RSPO2: variants seen among roughly 807,000 people sequenced by gnomAD.
The protein encoded by RSPO2 is R-spondin-2.
In RSPO2, 14 loss-of-function variants were observed where a neutral mutation model predicts 30.9. The observed-to-expected ratio is 0.45, with a 90% CI of 0.30 to 0.71. RSPO2 has a LOEUF of 0.71. Among genes scored for constraint, RSPO2 ranks in the 30% least tolerant of loss-of-function variants. The pLI, the probability that RSPO2 is intolerant of heterozygous loss-of-function variation, is 0.08. For missense variants in RSPO2, 264 were observed against 301.9 expected (o/e 0.87, Z 0.93); for synonymous variants, 107 against 96.4 (o/e 1.11, Z -0.64).
At chr8:107,904,599 G>C (rs1811580298) in intron 5 of RSPO2, among the ~76,000 whole-genome samples, 1 of 152,032 alleles carries the variant, frequency 6.6e-6, no homozygotes, top group African/African-American at 2.4e-5. Context: ...CGTTTTTAAG[G>C]AAGGCAATGC....
In RSPO2 at chr8:107,930,510, T is replaced by C. The variant is rs7821514; in HGVS notation, c.616+27570A>G. Among the ~76,000 whole-genome samples the C allele has an allele frequency of 7.7e-3, 1,172 of 152,332 alleles. 13 individuals carry two copies. The highest frequency in any genetic ancestry group is 0.026 in the African/African-American group (1,093 of 41,562). ...ACTGCTGAATAACTGATGAATGTTG[T>C]AGGTTTACTCATTCATCTAACCTTT... On this transcript the variant is annotated intron_variant, in intron 5 of 5. Transcript: ENST00000276659.
chr8:108,069,237 A>T (rs906451528), intron 2 of RSPO2, among the ~76,000 whole-genome samples: 2 of 151,826 alleles, frequency 1.3e-5, no homozygotes, highest in African/African-American at 2.4e-5. Context: ...ACACACTCAC[A>T]GAGTCTCGCT....
chr8:107,982,538 GAC>G (rs1361120465), intron 3 of RSPO2, among the ~76,000 whole-genome samples: 4 of 152,030 alleles, frequency 2.6e-5, no homozygotes, highest in African/African-American at 9.7e-5. Flanking sequence ...GTCACTCACA[GAC>G]ACACACACCC....
At chr8:108,010,318 A>G (rs1171225098) in intron 2 of RSPO2, among the ~76,000 whole-genome samples, 1 of 152,160 alleles carries the variant, frequency 6.6e-6, no homozygotes, top group Non-Finnish European at 1.5e-5. Flanking sequence ...ACAAAAGATA[A>G]TGCATATCTT....
At chr8:108,081,971 C>A (rs116903737) in intron 2 of RSPO2, 19,246 of 980,704 alleles carry the variant, frequency 0.02, 223 homozygotes, top group Non-Finnish European at 0.022. Flanking sequence ...CTATGTTGGC[C>A]TTTTTCTGGA....
At chr8:107,905,430 G>A (rs1182525902) in intron 5 of RSPO2, among the ~76,000 whole-genome samples, 2 of 152,168 alleles carry the variant, frequency 1.3e-5, no homozygotes, top group African/African-American at 4.8e-5. Context: ...GCTGTGGAAA[G>A]TAAGCCACAA....
chr8:108,082,985 G>C (rs1406482248), intron 1 of RSPO2, 178 bp from the exon 2 acceptor site: 4 of 269,542 alleles, frequency 1.5e-5, no homozygotes, highest in East Asian at 7.3e-5. Context: ...GAGTTGGAGA[G>C]GAAGGTGATT....
At position 108,039,814 on chromosome 8, in the gene RSPO2, G is replaced by A. The variant is rs78003681; in HGVS notation, c.94+42731C>T. 4.8e-3 allele frequency among the ~76,000 whole-genome samples: 727 copies of A among 152,196 alleles called. 9 individuals carry two copies. The highest frequency in any genetic ancestry group is 0.017 in the African/African-American group (699 of 41,532). On this transcript the variant is annotated intron_variant, in intron 2 of 5. Transcript: ENST00000276659. Reference sequence around the variant, plus strand: ...ATTCTTAAGACCTAACCCCGAATGTGATGGTATCTGAAGGTAGGTAAATCA... The same window carrying A: ...ATTCTTAAGACCTAACCCCGAATGTAATGGTATCTGAAGGTAGGTAAATCA...
intron 2 of RSPO2, among the ~76,000 whole-genome samples, chr8:108,011,200 G>GA (rs1475716694): frequency 6.7e-6 from 1 of 148,496 alleles, no homozygotes; most frequent in African/African-American, 2.5e-5. Flanking sequence ...AAGGGAAAAG[G>GA]AAAAGGAAAG....
At chr8:108,065,538 C>A (rs1256395250) in intron 2 of RSPO2, among the ~76,000 whole-genome samples, 1 of 151,304 alleles carries the variant, frequency 6.6e-6, no homozygotes, top group African/African-American at 2.4e-5. Flanking sequence ...TATCTTTCAA[C>A]AGGTCATACA....
intron 3 of RSPO2, among the ~76,000 whole-genome samples, chr8:107,986,316 T>C (rs896839863): frequency 6.6e-6 from 1 of 152,222 alleles, no homozygotes; most frequent in Non-Finnish European, 1.5e-5. Flanking sequence ...TAATAGCACT[T>C]CCTGCTTGTA....
chr8:108,080,114 G>T (rs568230569), intron 2 of RSPO2, among the ~76,000 whole-genome samples: 1 of 152,332 alleles, frequency 6.6e-6, no homozygotes, highest in South Asian at 2.1e-4. Context: ...ACTTGAGTTA[G>T]ATCTCTATTC....
intron 3 of RSPO2, chr8:107,983,957 T>G (rs1471478782): frequency 2.2e-5 from 21 of 957,248 alleles, no homozygotes; most frequent in Non-Finnish European, 3.0e-5. Context: ...TCTGAAAGGA[T>G]TTATGAATAA....
intron 2 of RSPO2, among the ~76,000 whole-genome samples, chr8:108,061,434 A>C (rs961289110): frequency 1.4e-4 from 22 of 151,874 alleles, no homozygotes; most frequent in Admixed American, 2.6e-4. Context: ...AAAAGAGACA[A>C]AGAAGGCCAT....
At chr8:108,056,099 C>T (rs748882535) in intron 2 of RSPO2, among the ~76,000 whole-genome samples, 1 of 152,172 alleles carries the variant, frequency 6.6e-6, no homozygotes, top group Non-Finnish European at 1.5e-5. Context: ...AAAAACTATG[C>T]TTGCCTGCAG....
At position 108,076,647 on chromosome 8, in the gene RSPO2, T is replaced by C. The variant is rs530891321; in HGVS notation, c.94+5898A>G. Among the ~76,000 whole-genome samples the C allele has an allele frequency of 6.6e-5, 10 of 152,062 alleles. No homozygotes were observed. The South Asian group carries it at 1.9e-3, about 28-fold the overall frequency. On this transcript the variant is annotated intron_variant, in intron 2 of 5. Transcript: ENST00000276659. Reference sequence around the variant, plus strand: ...AAGAATATAAGCAGAGGAACACATTTGGGAGGGGGCACAGAAAAGAAAGCG... The same window carrying C: ...AAGAATATAAGCAGAGGAACACATTCGGGAGGGGGCACAGAAAAGAAAGCG...
At chr8:107,987,988 G>T (rs1814707818) in intron 3 of RSPO2, among the ~76,000 whole-genome samples, 1 of 151,940 alleles carries the variant, frequency 6.6e-6, no homozygotes, top group African/African-American at 2.4e-5. Flanking sequence ...CTTACCTTTT[G>T]TCATTTTATT....
At chr8:108,080,323 A>G (rs767711229) in intron 2 of RSPO2, among the ~76,000 whole-genome samples, 2 of 152,168 alleles carry the variant, frequency 1.3e-5, no homozygotes, top group African/African-American at 2.4e-5. Flanking sequence ...TTGTAAAGGG[A>G]TATCTGTTGA....
intron 5 of RSPO2, among the ~76,000 whole-genome samples, chr8:107,901,750 T>G (rs1036782282): frequency 2.0e-5 from 3 of 152,238 alleles, no homozygotes; most frequent in African/African-American, 7.2e-5. Context: ...CATCATTCAT[T>G]ATATACCTTA....
Sources: gnomAD v4.1 joint callset for allele counts (sites outside exome capture counted in the v4.1 genomes callset) on GRCh38, gnomAD v4.1.1 for gene constraint, MANE v1.5 for transcripts, NCBI Gene and HGNC (gene_info 2026-07-23, HGNC 2026-07-21) for gene names.